ABCA13: variants seen among roughly 807,000 people sequenced by gnomAD.
ABCA13 encodes the protein ATP binding cassette subfamily A member 13, also known as ATP-binding cassette sub-family A member 13.
In ABCA13, 476 loss-of-function variants were observed where a neutral mutation model predicts 478.7. That is an observed-to-expected ratio of 0.99 (90% CI 0.92 to 1.07). ABCA13 has a LOEUF of 1.07. Among genes scored for constraint, ABCA13 ranks in the 50% least tolerant of loss-of-function variants. The pLI is 0.00. For missense variants in ABCA13, 6,060 were observed against 5,910.6 expected, an observed-to-expected ratio of 1.03 and a Z score of -0.83; for synonymous variants, 2,252 against 2,158.9, an observed-to-expected ratio of 1.04 and a Z score of -1.20.
At chr7:48,593,080 A>G (rs1324895745) in intron 57 of ABCA13, among the ~76,000 whole-genome samples, 2 of 151,970 alleles carry the variant, frequency 1.3e-5, no homozygotes, top group African/African-American at 2.4e-5. Flanking sequence ...GTAATTATTA[A>G]TAGGTAGGAT....
At chr7:48,392,165 C>T (rs7780299) in intron 38 of ABCA13, 26 bp downstream of exon 38, 246,595 of 1,599,456 alleles carry the variant, frequency 0.15, 22,163 homozygotes, top group African/African-American at 0.37. Flanking sequence ...TCTCTCTGCT[C>T]CTCCTGCCTC....
At chr7:48,383,774 G>A (rs1309935700) in intron 35 of ABCA13, among the ~76,000 whole-genome samples, 1 of 152,124 alleles carries the variant, frequency 6.6e-6, no homozygotes, top group Non-Finnish European at 1.5e-5. Flanking sequence ...ACATTTCCCA[G>A]GCTTTTTCCA....
intron 48 of ABCA13, among the ~76,000 whole-genome samples, chr7:48,497,149 T>G (rs115977267): frequency 2.3e-3 from 357 of 152,218 alleles, no homozygotes; most frequent in African/African-American, 7.9e-3. Flanking sequence ...CTATGTTATT[T>G]AGATTGGATA....
intron 1 of ABCA13, among the ~76,000 whole-genome samples, chr7:48,188,780 C>T (rs918095050): frequency 6.6e-6 from 1 of 152,088 alleles, no homozygotes; most frequent in Non-Finnish European, 1.5e-5. Context: ...CAAATGCCAT[C>T]GTGGCTCAGC....
intron 44 of ABCA13, among the ~76,000 whole-genome samples, chr7:48,469,756 T>C (rs1827271735): frequency 1.3e-5 from 2 of 152,064 alleles, no homozygotes; most frequent in South Asian, 4.1e-4. Flanking sequence ...CCGTCTCTAC[T>C]AAAGATACAA....
chr7:48,223,976 AAGAG>A lies in ABCA13; in HGVS notation c.468+2681_468+2684del, dbSNP rs536905832. On this transcript the variant is annotated intron_variant, in intron 5 of 61. Transcript: ENST00000435803. Reference sequence around the variant, plus strand: ...TCGGTCTCAAAAAAAAAAAAAAAAAAAGAGAGAGAGAGAGAGAATGGGGGCAGGT... The same window carrying A: ...TCGGTCTCAAAAAAAAAAAAAAAAAAAGAGAGAGAGAGAATGGGGGCAGGT... 4.8e-3 allele frequency among the ~76,000 whole-genome samples: 620 copies of A among 129,886 alleles called. 6 individuals carry two copies. Among genetic ancestry groups the A allele is most frequent in the African/African-American group, 8.2e-3 (249 of 30,252 alleles). The allele number at this position is 129,886 out of a possible 152,430, so 85.2% of individuals were successfully genotyped here. A position where few individuals can be genotyped will look rare whatever the true frequency, so the allele number is the denominator to read the frequency against.
At chr7:48,630,299 C>T (rs1410057633) in intron 59 of ABCA13, among the ~76,000 whole-genome samples, 5 of 152,018 alleles carry the variant, frequency 3.3e-5, no homozygotes, top group African/African-American at 4.8e-5. Flanking sequence ...TTTCTCAATC[C>T]TCACTCTCCT....
At chr7:48,462,781 T>C (rs1246651941) in intron 43 of ABCA13, among the ~76,000 whole-genome samples, 1 of 152,202 alleles carries the variant, frequency 6.6e-6, no homozygotes, top group African/African-American at 2.4e-5. Context: ...AGTGCTGGGA[T>C]TACAGGCGTG....
Position 48,279,325 on chromosome 7 carries a change from GA to G in ABCA13, c.8134del (p.Ile2712Ter). 1 of 1,586,196 alleles carries G rather than the reference GA, an allele frequency of 6.3e-7. No homozygotes were observed. Among genetic ancestry groups the G allele is most frequent in the Non-Finnish European group, 8.6e-7 (1 of 1,164,084 alleles). On this transcript the variant is annotated frameshift_variant, in exon 18 of 62. Transcript: ENST00000435803. LOFTEE classifies it high-confidence loss of function. ...THSGPQDIKW[E>X]IIHEVIPFLD... ...TAGTGGCCCTCAAGATATAAAATGG[GA>G]AATAATTCATGAAGTGATCCCTTTT...
At chr7:48,294,778 A>T (rs559027516) in intron 20 of ABCA13, among the ~76,000 whole-genome samples, 5 of 152,036 alleles carry the variant, frequency 3.3e-5, no homozygotes, top group African/African-American at 7.2e-5. Flanking sequence ...AAAAAGTTTG[A>T]CTCTACATGT....
intron 40 of ABCA13, among the ~76,000 whole-genome samples, chr7:48,411,053 CT>C (rs1412036128): frequency 3.6e-5 from 3 of 83,648 alleles, no homozygotes; most frequent in Admixed American, 1.4e-4. Context: ...CTTTCTTTTT[CT>C]TTCTTTCTTT....
Position 48,374,362 on chromosome 7 carries a change from A to G in ABCA13, c.11149A>G (p.Thr3717Ala). Residue 3717 changes from threonine to alanine, a missense_variant, in exon 34 of 62, where the codon ACC becomes GCC. By Grantham distance (58) the Thr-to-Ala change is moderately conservative. Coordinates refer to ENST00000435803, the MANE Select transcript of ABCA13 (RefSeq NM_152701.5). ...NQTFLCLLST[T>A]AFGQGVFFIT... ...CTGTGGGCAGTGCCTTCTTTCGACAACCGCCTTTGGACAAGGGGTATTTTT... is the reference window on the plus strand; with the variant it reads ...CTGTGGGCAGTGCCTTCTTTCGACAGCCGCCTTTGGACAAGGGGTATTTTT... 43 of 1,610,238 alleles carry G rather than the reference A, an allele frequency of 2.7e-5. No homozygotes were observed. The highest frequency in any genetic ancestry group is 3.6e-5 in the Non-Finnish European group (43 of 1,178,518).
intron 42 of ABCA13, among the ~76,000 whole-genome samples, chr7:48,451,364 C>G (rs1220754687): frequency 6.6e-6 from 1 of 152,046 alleles, no homozygotes; most frequent in Non-Finnish European, 1.5e-5. Flanking sequence ...TAATAAAACT[C>G]TTGTATTGAG....
intron 27 of ABCA13, among the ~76,000 whole-genome samples, chr7:48,323,355 A>T (rs1206536055): frequency 6.6e-6 from 1 of 152,154 alleles, no homozygotes; most frequent in Non-Finnish European, 1.5e-5. Flanking sequence ...TGGCTCTTGT[A>T]CCCATTTGAG....
At chr7:48,629,193 G>A (rs1793938331) in intron 59 of ABCA13, among the ~76,000 whole-genome samples, 1 of 152,196 alleles carries the variant, frequency 6.6e-6, no homozygotes, top group Non-Finnish European at 1.5e-5. Flanking sequence ...CTGCTGGACA[G>A]CCAGACTTAG....
chr7:48,585,089 C>T (rs901511163), intron 56 of ABCA13, among the ~76,000 whole-genome samples: 1 of 152,156 alleles, frequency 6.6e-6, no homozygotes, highest in African/African-American at 2.4e-5. Flanking sequence ...GACGAAGCTA[C>T]ATGACTACTT....
In ABCA13 at chr7:48,482,563, T is replaced by C. The variant is rs147304843; in HGVS notation, c.13095-513T>C. Among the ~76,000 whole-genome samples, 362 of 151,932 alleles carry C rather than the reference T, an allele frequency of 2.4e-3. 2 individuals are homozygous for C. The highest frequency in any genetic ancestry group is 8.5e-3 in the African/African-American group (351 of 41,434). The stretch of plus-strand genomic sequence containing the variant: ...CAGCTAATTTTTTTTTTTGTATTTT[T>C]ACAAAATACAGAAAAAGACAGGGTT... On this transcript the variant is annotated intron_variant, in intron 46 of 61. Transcript: ENST00000435803.
chr7:48,427,206 G>C (rs1473001609), intron 41 of ABCA13, among the ~76,000 whole-genome samples: 1 of 152,010 alleles, frequency 6.6e-6, no homozygotes, highest in African/African-American at 2.4e-5. Context: ...ATAGTATTTG[G>C]CTTTGAATAA....
chr7:48,325,681 A>G (rs956438123), intron 27 of ABCA13, among the ~76,000 whole-genome samples: 6 of 152,194 alleles, frequency 3.9e-5, no homozygotes, highest in Non-Finnish European at 8.8e-5. Context: ...ATGAATAATT[A>G]TTACTATAAA....
Sources: allele counts gnomAD v4.1 joint callset (sites outside exome capture counted in the v4.1 genomes callset), GRCh38; gene constraint gnomAD v4.1.1; transcripts MANE v1.5; gene names NCBI Gene and HGNC (gene_info 2026-07-23, HGNC 2026-07-21).